Variants in USP6 observed in about 807,000 individuals in gnomAD.
The protein encoded by USP6 is ubiquitin carboxyl-terminal hydrolase 6.
In USP6, 128 loss-of-function variants were observed where a neutral mutation model predicts 175.7. The ratio of observed to expected loss-of-function variants is 0.73; its 90% CI spans 0.63 to 0.84. The LOEUF (loss-of-function observed/expected upper bound fraction) is 0.84, where lower values mean the gene tolerates loss of function less well. Among genes scored for constraint, USP6 ranks in the 40% least tolerant of loss-of-function variants. USP6 has a pLI of 0.00. For synonymous variants in USP6, 562 were observed against 630.6 expected (o/e 0.89, Z 1.63); for missense variants, 1,498 against 1,760.3 (o/e 0.85, Z 2.67).
intron 30 of USP6, among the ~76,000 whole-genome samples, chr17:5,150,533 C>T (rs2073740192): frequency 6.8e-6 from 1 of 148,110 alleles, no homozygotes; most frequent in African/African-American, 2.5e-5. Flanking sequence ...CTCGCTCTGT[C>T]ACCCAGGCTG....
rs1362295976 is a variant in USP6, at chr17:5,145,472, C to T, written c.2060C>T (p.Ser687Phe). The change falls in exon 27 of 38, where the codon TCT becomes TTT. Residue 687 changes from serine to phenylalanine, a missense_variant. Around this residue, in one of 2 missense-constraint regions of USP6, gnomAD observed 1,217 missense variants for 1,500.8 expected, o/e 0.81. Transcript: ENST00000574788. ...GATTTGTTCCATGGGCAGCTAAGAT[C>T]TCAAGTCAAATGCAAGACATGTGGG... is the stretch of plus-strand genomic sequence containing the variant. ...IVDLFHGQLR[S>F]QVKCKTCGHI... The T allele has an allele frequency of 6.2e-7, 1 of 1,612,868 alleles. No homozygotes were observed. Among genetic ancestry groups the T allele is most frequent in the East Asian group, 2.2e-5 (1 of 44,780 alleles).
chr17:5,152,157 G>A (rs944030367), intron 30 of USP6, among the ~76,000 whole-genome samples: 3 of 151,238 alleles, frequency 2.0e-5, no homozygotes, highest in Admixed American at 6.6e-5. Context: ...CAGGAGAATC[G>A]CTTGAACCCC....
At chr17:5,138,093 C>A in intron 20 of USP6, 28 bp from the exon 21 acceptor site, 1 of 1,613,910 alleles carries the variant, frequency 6.2e-7, no homozygotes, top group Non-Finnish European at 8.5e-7. Flanking sequence ...AGGGAACTCT[C>A]CTGGCCTGAT....
intron 6 of USP6, among the ~76,000 whole-genome samples, chr17:5,127,203 A>C (rs2072921718): frequency 6.6e-6 from 1 of 150,800 alleles, no homozygotes; most frequent in Admixed American, 6.6e-5. Context: ...CCCAGGATCC[A>C]AGAACTAAGG....
intron 4 of USP6, 89 bp downstream of exon 4, chr17:5,121,839 G>A (rs1482872849): frequency 6.5e-6 from 1 of 152,980 alleles, no homozygotes; most frequent in Non-Finnish European, 1.5e-5. Context: ...GTGAAGTTCA[G>A]GAGGTGTGAA....
intron 30 of USP6, among the ~76,000 whole-genome samples, chr17:5,151,431 A>G (rs200374770): frequency 5.9e-4 from 87 of 146,648 alleles, no homozygotes; most frequent in African/African-American, 1.9e-3. Flanking sequence ...CAAAGTCTGC[A>G]TGTGTGTGTG....
chr17:5,128,249 T>A (rs186211401), intron 7 of USP6: 1 of 152,244 alleles, frequency 6.6e-6, no homozygotes, highest in Admixed American at 6.5e-5. Flanking sequence ...TCTAGAAAAG[T>A]GGGCCCCTAC....
intron 33 of USP6, among the ~76,000 whole-genome samples, 171 bp from the exon 34 acceptor site, chr17:5,167,761 C>T (rs901215413): frequency 3.3e-5 from 5 of 152,148 alleles, no homozygotes; most frequent in Non-Finnish European, 5.9e-5. Flanking sequence ...ACCTCGGCCT[C>T]CTAAAGTGCT....
At chr17:5,142,197 A>G (rs1295376891) in intron 24 of USP6, 56 bp downstream of exon 24, 6 of 1,574,306 alleles carry the variant, frequency 3.8e-6, no homozygotes, top group Non-Finnish European at 5.2e-6. Flanking sequence ...TAAACCCACT[A>G]TCACCTAAAT....
chr17:5,120,558 A>G (rs2072631504), intron 2 of USP6, 69 bp from the exon 3 acceptor site: 2 of 351,284 alleles, frequency 5.7e-6, no homozygotes, highest in Non-Finnish European at 5.6e-6. Flanking sequence ...CTCCGAGGGA[A>G]AGAAGGCAGG....
intron 1 of USP6, among the ~76,000 whole-genome samples, chr17:5,117,337 G>A (rs1196471917): frequency 6.6e-6 from 1 of 152,056 alleles, no homozygotes; most frequent in Non-Finnish European, 1.5e-5. Context: ...CCAACATGGT[G>A]AAACCCCCTC....
At chr17:5,130,343 C>G in intron 9 of USP6, 24 bp from the exon 10 acceptor site, 1 of 1,613,612 alleles carries the variant, frequency 6.2e-7, no homozygotes, top group Non-Finnish European at 8.5e-7. Flanking sequence ...TACAGTGTAA[C>G]CTTTAGACAA....
intron 4 of USP6, among the ~76,000 whole-genome samples, chr17:5,123,316 G>GGCAGC (rs1029359810): frequency 1.3e-5 from 2 of 151,996 alleles, no homozygotes; most frequent in Non-Finnish European, 2.9e-5. Context: ...GGGTGGTAGA[G>GGCAGC]GCAGCGCCTC....
In USP6 at chr17:5,174,626, C is replaced by T. The variant is rs1469005806; in HGVS notation, c.*1648C>T. The T allele has an allele frequency of 5.1e-6, 1 of 195,512 alleles. No individual in the cohort carries two copies. The highest frequency in any genetic ancestry group is 1.1e-5 in the Non-Finnish European group (1 of 93,920). 12.1% of individuals were successfully genotyped at this position (195,512 alleles called of 1,614,324 possible). A position where few individuals can be genotyped will look rare whatever the true frequency, so the allele number is the denominator to read the frequency against. Reference sequence around the variant, plus strand: ...TCTGTCCATTCCTACCTGGACATGTCCCATTAAAAAGTGGAAGATTTTAAA... The same window carrying T: ...TCTGTCCATTCCTACCTGGACATGTTCCATTAAAAAGTGGAAGATTTTAAA... On this transcript the variant is annotated 3_prime_UTR_variant, in exon 38 of 38. Coordinates refer to ENST00000574788, the MANE Select transcript of USP6 (RefSeq NM_001304284.2).
intron 33 of USP6, among the ~76,000 whole-genome samples, chr17:5,163,458 G>T (rs2074043727): frequency 1.3e-5 from 2 of 152,104 alleles, no homozygotes; most frequent in Non-Finnish European, 2.9e-5. Flanking sequence ...TGGAAACTAA[G>T]TTCTCAGAAG....
In USP6 at chr17:5,123,395, TGGCGTGGCGC is replaced by T. The variant is rs887499421; in HGVS notation, c.-1298-1166_-1298-1157del. Among the ~76,000 whole-genome samples the T allele has an allele frequency of 1.9e-3, 289 of 151,612 alleles. 1 individual carries two copies. Among genetic ancestry groups the T allele is most frequent in the African/African-American group, 6.7e-3 (279 of 41,342 alleles). ...GCGGCTCAGCAGGCCCGGCGTGGCGTGGCGTGGCGCGGCGGGGCCTCCGTGAAGGCCAGCG... is the reference window on the plus strand; with the variant it reads ...GCGGCTCAGCAGGCCCGGCGTGGCGTGGCGGGGCCTCCGTGAAGGCCAGCG... On this transcript the variant is annotated intron_variant, in intron 4 of 37. Transcript: ENST00000574788.
Position 5,173,911 on chromosome 17 carries a change from CTG to C in USP6, c.*937_*938del, listed in dbSNP as rs1187857970. The C allele has an allele frequency of 1.8e-5, 4 of 221,344 alleles. No homozygotes were observed. Among genetic ancestry groups the C allele is most frequent in the Non-Finnish European group, 2.7e-5 (3 of 110,384 alleles). 13.7% of individuals were successfully genotyped at this position (221,344 alleles called of 1,614,324 possible). ...TTTCACAATTAGTGGTTATTCTTTT[CTG>C]TGTTTGTTTTGCACTTTAAAAAAGA... On this transcript the variant is annotated 3_prime_UTR_variant, in exon 38 of 38. Transcript: ENST00000574788.
chr17:5,162,997 A>G lies in USP6; in HGVS notation c.3029A>G (p.Gln1010Arg). The change falls in exon 33 of 38, where the codon CAG becomes CGG. Residue 1010 changes from glutamine (Q) to arginine (R), a missense_variant. By Grantham distance (43) the Gln-to-Arg change is conservative (BLOSUM62 1). This residue lies in a region of USP6 where 1,217 missense variants were observed against 1,500.8 expected (regional missense o/e 0.81). Transcript: ENST00000574788. ...TALHLRYQTS[Q>R]ERVVDKHESV... ...CTTCACCTTCGCTATCAAACATCCC[A>G]GGAAAGGGTAAGAATTTAGGGCCAC... The G allele has an allele frequency of 1.3e-6, 2 of 1,580,382 alleles. No homozygotes were observed. The highest frequency in any genetic ancestry group is 1.2e-5 in the South Asian group (1 of 83,290).
Position 5,162,987 on chromosome 17 carries a change from C to G in USP6, c.3019C>G (p.Gln1007Glu), listed in dbSNP as rs746139568. Residue 1007 changes from glutamine to glutamate, a missense_variant, in exon 33 of 38, where the codon CAA becomes GAA. Transcript: ENST00000574788. ...CCCCACAGCCCTTCACCTTCGCTAT[C>G]AAACATCCCAGGAAAGGGTAAGAAT... Reference protein sequence around the residue: ...WHPTALHLRYQTSQERVVDKH... With the variant: ...WHPTALHLRYETSQERVVDKH... 1 of 1,585,054 alleles carries G rather than the reference C, an allele frequency of 6.3e-7. No homozygotes were observed. Among genetic ancestry groups the G allele is most frequent in the Non-Finnish European group, 8.5e-7 (1 of 1,172,908 alleles).
Sources: allele counts gnomAD v4.1 joint callset (sites outside exome capture counted in the v4.1 genomes callset), GRCh38; gene constraint gnomAD v4.1.1; regional missense constraint gnomAD v4.1.1; transcripts MANE v1.5; gene names NCBI Gene and HGNC (gene_info 2026-07-23, HGNC 2026-07-21).